Variants in ABLIM1 observed in about 807,000 individuals in gnomAD.
ABLIM1 encodes actin binding LIM protein 1, also known as actin-binding LIM protein 1.
Under a neutral mutation model 107.0 loss-of-function variants are expected in ABLIM1, and 40 were observed. The observed-to-expected ratio is 0.37, with a 90% confidence interval of 0.29 to 0.49. The LOEUF (loss-of-function observed/expected upper bound fraction) is 0.49, where lower values mean the gene tolerates loss of function less well. Ranked by LOEUF, ABLIM1 falls within the 20% of genes least tolerant of loss-of-function variation. The pLI, the probability that ABLIM1 is intolerant of heterozygous loss-of-function variation, is 0.97. For synonymous variants in ABLIM1, 357 were observed against 357.3 expected (o/e 1.00, Z 0.01); for missense variants, 857 against 1,008.5 (o/e 0.85, Z 2.04).
chr10:114,473,668 G>A (rs2067011497), intron 9 of ABLIM1, among the ~76,000 whole-genome samples: 1 of 152,028 alleles, frequency 6.6e-6, no homozygotes, highest in Non-Finnish European at 1.5e-5. Flanking sequence ...CATTTTACAG[G>A]TCGTCTGATC....
At chr10:114,556,932 A>G (rs1178744605) in intron 4 of ABLIM1, among the ~76,000 whole-genome samples, 3 of 152,202 alleles carry the variant, frequency 2.0e-5, no homozygotes, top group South Asian at 4.1e-4. Context: ...GTGAAACCGC[A>G]AATTTGTTAC....
intron 6 of ABLIM1, among the ~76,000 whole-genome samples, chr10:114,508,649 A>T (rs2061459319): frequency 2.6e-5 from 4 of 152,126 alleles, no homozygotes. Context: ...TGATCTCTCC[A>T]CTGCATTCCA....
intron 10 of ABLIM1, 36 bp downstream of exon 10, chr10:114,472,941 T>C (rs2066870870): frequency 7.4e-6 from 11 of 1,481,754 alleles, no homozygotes; most frequent in Non-Finnish European, 9.9e-6. Context: ...GGAAGGTAAA[T>C]TGTTGTACAA....
At chr10:114,683,043 T>C (rs1302338282) in intron 1 of ABLIM1, among the ~76,000 whole-genome samples, 2 of 152,208 alleles carry the variant, frequency 1.3e-5, no homozygotes, top group African/African-American at 4.8e-5. Context: ...GCATCATAGT[T>C]TTCCACTCTA....
chr10:114,733,850 T>A (rs913672343), intron 1 of ABLIM1, among the ~76,000 whole-genome samples: 4 of 151,748 alleles, frequency 2.6e-5, no homozygotes, highest in African/African-American at 9.7e-5. Flanking sequence ...GCAACTTTAT[T>A]TTTTTTTAAT....
chr10:114,749,477 C>CACACACACACACAA (rs1175437270), intron 1 of ABLIM1, among the ~76,000 whole-genome samples: 1 of 151,600 alleles, frequency 6.6e-6, no homozygotes, highest in African/African-American at 2.4e-5. Flanking sequence ...CACACACACA[C>CACACACACACACAA]ACACACACCA....
intron 2 of ABLIM1, among the ~76,000 whole-genome samples, chr10:114,576,109 C>T (rs2072501208): frequency 6.6e-6 from 1 of 152,112 alleles, no homozygotes; most frequent in Admixed American, 6.5e-5. Context: ...TTCATTTTTT[C>T]TTTGTGCAGT....
At chr10:114,760,048 C>A (rs895806746) in intron 1 of ABLIM1, among the ~76,000 whole-genome samples, 5 of 152,132 alleles carry the variant, frequency 3.3e-5, no homozygotes, top group Non-Finnish European at 7.4e-5. Flanking sequence ...ATCTTTACTG[C>A]AGAGGGCTCA....
chr10:114,628,726 ATAAGCATTCTT>A (rs1169227258), intron 1 of ABLIM1, among the ~76,000 whole-genome samples: 1 of 152,266 alleles, frequency 6.6e-6, no homozygotes, highest in Non-Finnish European at 1.5e-5. Flanking sequence ...TTCCCAAACC[ATAAGCATTCTT>A]TATTACTTAA....
rs116911730 is a variant in ABLIM1, at chr10:114,669,933, C to A, written c.64+14357G>T. ...TGGTGCAGCCGGGAAGAAAAGGCAGCCTCAAAATAGAGAACAGAGCAAATG... is the reference window on the plus strand; with the variant it reads ...TGGTGCAGCCGGGAAGAAAAGGCAGACTCAAAATAGAGAACAGAGCAAATG... On this transcript the variant is annotated intron_variant, in intron 1 of 23. Transcript: ENST00000369256. 7.9e-3 allele frequency among the ~76,000 whole-genome samples: 1,207 copies of A among 152,128 alleles called. 46 individuals are homozygous for A. Among genetic ancestry groups the A allele is most frequent in the East Asian group, 0.059 (304 of 5,174 alleles).
chr10:114,763,272 G>A lies in ABLIM1; in HGVS notation c.-213+4789C>T, dbSNP rs2082793882. On this transcript the variant is annotated intron_variant, in intron 1 of 15. Transcript: ENST00000651092. The stretch of plus-strand genomic sequence containing the variant: ...GGTTTTGATAGGAAGGGAGAAAATA[G>A]GAGATTTTCATTTTTAACTTTGTAT... Among the ~76,000 whole-genome samples the A allele has an allele frequency of 3.3e-5, 5 of 152,154 alleles. No homozygotes were observed. The South Asian group carries it at 1.0e-3, about 32-fold the overall frequency.
At chr10:114,575,282 C>T (rs1191863564) in intron 3 of ABLIM1, 134 bp downstream of exon 3, 5 of 979,056 alleles carry the variant, frequency 5.1e-6, no homozygotes, top group Admixed American at 2.8e-5. Flanking sequence ...ACTGATAGTA[C>T]AGTAAGAAAG....
chr10:114,735,258 C>T (rs772824523), intron 1 of ABLIM1, among the ~76,000 whole-genome samples: 27 of 152,160 alleles, frequency 1.8e-4, no homozygotes, highest in Middle Eastern at 3.2e-3. Flanking sequence ...GAGTCTCAGT[C>T]TAAACAGCAA....
At chr10:114,583,404 AACACACACACACACACAC>A (rs1164587300) in intron 2 of ABLIM1, among the ~76,000 whole-genome samples, 81 of 71,282 alleles carry the variant, frequency 1.1e-3, no homozygotes, top group South Asian at 2.4e-3. Context: ...GAGAAAAGGG[AACACACACACACACACAC>A]ACACACACAC....
intron 17 of ABLIM1, among the ~76,000 whole-genome samples, chr10:114,443,471 C>G (rs1328663649): frequency 6.6e-6 from 1 of 151,844 alleles, no homozygotes; most frequent in Non-Finnish European, 1.5e-5. Context: ...CACCACCACG[C>G]CTGGCTAATG....
rs114124376 is a variant in ABLIM1, at chr10:114,495,331, G to C, written c.895-3453C>G. ...CAGCCCGTACTGGAAATGGGATCTT[G>C]GGCAGATCACAAGCTCTTGGAACCT... On this transcript the variant is annotated intron_variant, in intron 6 of 22. Coordinates refer to ENST00000533213, the MANE Select transcript of ABLIM1 (RefSeq NM_002313.7). Among the ~76,000 whole-genome samples, 793 of 152,272 alleles carry C rather than the reference G, an allele frequency of 5.2e-3. 7 individuals carry two copies. Among genetic ancestry groups the C allele is most frequent in the African/African-American group, 0.018 (752 of 41,546 alleles).
intron 1 of ABLIM1, among the ~76,000 whole-genome samples, chr10:114,631,171 T>C (rs1271841519): frequency 6.6e-6 from 1 of 152,238 alleles, no homozygotes; most frequent in Non-Finnish European, 1.5e-5. Flanking sequence ...TGTGGTGTTC[T>C]TTCACATTTC....
At chr10:114,647,997 T>C (rs964731692) in intron 1 of ABLIM1, among the ~76,000 whole-genome samples, 2 of 152,182 alleles carry the variant, frequency 1.3e-5, no homozygotes, top group East Asian at 1.9e-4. Context: ...AATGTACATA[T>C]AGGATTTGTG....
chr10:114,460,279 G>A (rs755866847), intron 12 of ABLIM1, among the ~76,000 whole-genome samples: 4 of 152,132 alleles, frequency 2.6e-5, no homozygotes, highest in Non-Finnish European at 4.4e-5. Flanking sequence ...CAAGAATGCT[G>A]TGAAAAGTGA....
Sources: gnomAD v4.1 joint callset for allele counts (sites outside exome capture counted in the v4.1 genomes callset) on GRCh38, gnomAD v4.1.1 for gene constraint, MANE v1.5 for transcripts, NCBI Gene and HGNC (gene_info 2026-07-23, HGNC 2026-07-21) for gene names.